Variants in TNNT3 observed in about 807,000 individuals in gnomAD.
TNNT3 encodes troponin T3, fast skeletal type, also known as troponin T, fast skeletal muscle.
In TNNT3, 36 loss-of-function variants were observed where a neutral mutation model predicts 54.2. That is an observed-to-expected ratio of 0.66 (90% CI 0.51 to 0.88). The LOEUF (loss-of-function observed/expected upper bound fraction) is 0.88. Among genes scored for constraint, TNNT3 ranks in the 40% least tolerant of loss-of-function variants. TNNT3 has a pLI of 0.00. For synonymous variants in TNNT3, 120 were observed against 109.7 expected (o/e 1.09, Z -0.59); for missense variants, 291 against 331.6 (o/e 0.88, Z 0.95).
At chr11:1,922,823 C>T in intron 1 of TNNT3, 34 bp from the exon 2 acceptor site, 1 of 1,472,776 alleles carries the variant, frequency 6.8e-7, no homozygotes, top group Non-Finnish European at 9.4e-7. Context: ...TTTCCATCCT[C>T]TCTCTCTCTC....
chr11:1,929,979 C>G, intron 8 of TNNT3, 151 bp downstream of exon 8: 1 of 1,098,868 alleles, frequency 9.1e-7, no homozygotes, highest in African/African-American at 1.6e-5. Flanking sequence ...CCCAGCGCCT[C>G]GTGTGTTCCG....
At chr11:1,926,662 G>A (rs746758704) in intron 5 of TNNT3, 33 bp from the exon 6 acceptor site, 57 of 1,612,950 alleles carry the variant, frequency 3.5e-5, no homozygotes, top group South Asian at 1.6e-4. Context: ...TCTCTCTCCC[G>A]CCCTTTCTGC....
chr11:1,932,904 G>A (rs552417460), intron 9 of TNNT3, among the ~76,000 whole-genome samples: 14 of 135,580 alleles, frequency 1.0e-4, no homozygotes, highest in African/African-American at 3.7e-4. Context: ...AACCAGCCAC[G>A]TATCCACTCA....
chr11:1,920,353 G>A (rs1244251996), intron 1 of TNNT3, among the ~76,000 whole-genome samples: 1 of 152,222 alleles, frequency 6.6e-6, no homozygotes. Flanking sequence ...AGCGTCTGGA[G>A]GTGCAGGACA....
chr11:1,926,037 G>A (rs918674366), intron 5 of TNNT3, among the ~76,000 whole-genome samples: 1 of 152,178 alleles, frequency 6.6e-6, no homozygotes, highest in Non-Finnish European at 1.5e-5. Context: ...TACCAGCACT[G>A]CCTTTGTGGG....
chr11:1,936,283 G>C (rs1564834357), intron 14 of TNNT3: 2 of 1,612,768 alleles, frequency 1.2e-6, no homozygotes, highest in Non-Finnish European at 8.5e-7. Context: ...CCTGGGCCAG[G>C]CCCGTGGGTG....
rs754208651 is a variant in TNNT3 at position 1,934,919 on chromosome 11, C to T, written c.681C>T (p.Asp227=). 3.5e-5 allele frequency: 56 copies of T among 1,613,214 alleles called. No homozygotes were observed. The highest frequency in any genetic ancestry group is 4.2e-5 in the Non-Finnish European group (50 of 1,179,940). Reference sequence around the variant, plus strand: ...AGAAGCTGAAACGCCAGAAATATGACGTGAGTCCCGGCACCTCCGGCCCTG... The same window carrying T: ...AGAAGCTGAAACGCCAGAAATATGATGTGAGTCCCGGCACCTCCGGCCCTG... ...FGEKLKRQKY[D]ITTLRSRIDQ... is the part of the protein sequence containing the mutation. Residue 227 remains aspartate, a splice_region_variant and synonymous_variant, in exon 14 of 16, where the codon GAC becomes GAT. Transcript: ENST00000278317.
At chr11:1,937,949 C>T (rs1000608961) in intron 15 of TNNT3, among the ~76,000 whole-genome samples, 4 of 152,156 alleles carry the variant, frequency 2.6e-5, no homozygotes, top group South Asian at 2.1e-4. Flanking sequence ...GGGCCGGCCT[C>T]GCGGGCCGAA....
chr11:1,920,833 A>G (rs2133207022), intron 1 of TNNT3, among the ~76,000 whole-genome samples: 1 of 150,592 alleles, frequency 6.6e-6, no homozygotes, highest in Non-Finnish European at 1.5e-5. Flanking sequence ...TGCCCCCAGC[A>G]CACCCCTGCC....
Position 1,926,703 on chromosome 11 carries a change from C to A in TNNT3, c.76C>A (p.Gln26Lys). 1 of 1,613,444 alleles carries A rather than the reference C, an allele frequency of 6.2e-7. No homozygotes were observed. The highest frequency in any genetic ancestry group is 2.2e-5 in the East Asian group (1 of 44,878). The part of the protein sequence containing the change: ...EEEAQEEEEV[Q>K]EDTAEEDAEE... ...TGACGCTGCTTCTGCAGAGGAAGTT[C>A]AAGAAGGTACGCCGGCGCTCCCCCG... Residue 26 changes from glutamine to lysine, a missense_variant, in exon 6 of 16, where the codon CAA becomes AAA. Coordinates refer to ENST00000278317, the MANE Select transcript of TNNT3 (RefSeq NM_006757.4).
chr11:1,924,976 G>A lies in TNNT3; in HGVS notation c.50-123G>A, dbSNP rs544206164. The A allele has an allele frequency of 2.3e-5, 25 of 1,093,896 alleles. No homozygotes were observed. The South Asian group carries it at 3.0e-4, about 13-fold the overall frequency. 67.8% of individuals were successfully genotyped at this position (1,093,896 alleles called of 1,614,324 possible). On this transcript the variant is annotated intron_variant, in intron 4 of 15. Coordinates refer to ENST00000278317, the MANE Select transcript of TNNT3 (RefSeq NM_006757.4). ...TTTCACCCCTGCCAAGCGAGCCCCA[G>A]GCCCTCTTCTCCCGGCCAGCCGGCC...
In TNNT3 at chr11:1,926,469, G is replaced by A. The variant is rs757010843; in HGVS notation, c.68-226G>A. 4.3e-6 allele frequency: 7 copies of A among 1,613,130 alleles called. No homozygotes were observed. In the South Asian group the frequency reaches 6.6e-5, roughly 15 times the overall value. ...TTCCGTGGCCTCCTTGGCCCGTGAA[G>A]TTCATGAACCAGGTACGTGCATGAC... On this transcript the variant is annotated intron_variant, in intron 5 of 15. Transcript: ENST00000278317.
At chr11:1,936,827 C>T in intron 14 of TNNT3, 136 bp from the exon 15 acceptor site, 1 of 851,280 alleles carries the variant, frequency 1.2e-6, no homozygotes. Flanking sequence ...AGTAAGGGAG[C>T]CGAGGAGCCC....
intron 1 of TNNT3, among the ~76,000 whole-genome samples, chr11:1,922,478 C>T (rs2334385): frequency 0.71 from 108,479 of 151,958 alleles, 39,670 homozygotes; most frequent in East Asian, 0.82. Flanking sequence ...GTGTCTAGAG[C>T]GGGCTGGACG....
chr11:1,929,042 G>T (rs896568133), intron 6 of TNNT3, 78 bp from the exon 7 acceptor site: 3 of 1,549,632 alleles, frequency 1.9e-6, no homozygotes, highest in Non-Finnish European at 2.7e-6. Context: ...CCCGCCACAG[G>T]CCCCTTGCCC....
At chr11:1,933,128 C>T in intron 9 of TNNT3, among the ~76,000 whole-genome samples, 2 of 126,148 alleles carry the variant, frequency 1.6e-5, no homozygotes, top group Middle Eastern at 4.1e-3. Flanking sequence ...TCCCACCCAC[C>T]CACCCATTCA....
At chr11:1,928,695 C>T (rs574981992) in intron 6 of TNNT3, among the ~76,000 whole-genome samples, 76 of 152,234 alleles carry the variant, frequency 5.0e-4, no homozygotes, top group Admixed American at 8.5e-4. Context: ...GGTCAGGCTC[C>T]GGGAAGCACG....
chr11:1,929,648 C>T (rs1211391080), intron 7 of TNNT3, among the ~76,000 whole-genome samples, 162 bp from the exon 8 acceptor site: 2 of 152,218 alleles, frequency 1.3e-5, no homozygotes, highest in Non-Finnish European at 2.9e-5. Context: ...AGAAACAGGA[C>T]CCTCTTGTTT....
chr11:1,926,221 C>T (rs556265271), intron 5 of TNNT3, among the ~76,000 whole-genome samples: 9 of 152,328 alleles, frequency 5.9e-5, no homozygotes, highest in South Asian at 2.1e-4. Flanking sequence ...CCACAGCTCC[C>T]GGCCATCCTC....
Sources: gnomAD v4.1 joint callset for allele counts (sites outside exome capture counted in the v4.1 genomes callset) on GRCh38, gnomAD v4.1.1 for gene constraint, MANE v1.5 for transcripts, NCBI Gene and HGNC (gene_info 2026-07-23, HGNC 2026-07-21) for gene names.